The following THRB variants were observed in gnomAD, a reference collection of about 807,000 sequenced individuals.
THRB encodes nuclear receptor subfamily 1 group A member 2.
In THRB, 12 loss-of-function variants were observed where a neutral mutation model predicts 47.8. The ratio of observed to expected loss-of-function variants is 0.25; its 90% confidence interval spans 0.16 to 0.41. The LOEUF (loss-of-function observed/expected upper bound fraction) is 0.41, where lower values mean the gene tolerates loss of function less well. THRB is among the 10% of genes least tolerant of loss of function. The pLI, the probability that THRB is intolerant of heterozygous loss-of-function variation, is 1.00. For missense variants in THRB, 348 were observed against 589.2 expected, an observed-to-expected ratio of 0.59 and a Z score of 4.24; for synonymous variants, 218 against 212.2, an observed-to-expected ratio of 1.03 and a Z score of -0.24.
intron 1 of THRB, among the ~76,000 whole-genome samples, chr3:24,370,470 A>T (rs562471864): frequency 6.6e-6 from 1 of 152,112 alleles, no homozygotes; most frequent in East Asian, 1.9e-4. Context: ...ATGAGTGTGT[A>T]TGAGGTGTGC....
At chr3:24,415,353 T>C (rs1366421240) in intron 1 of THRB, among the ~76,000 whole-genome samples, 1 of 151,884 alleles carries the variant, frequency 6.6e-6, no homozygotes, top group East Asian at 1.9e-4. Flanking sequence ...CCATCATTTA[T>C]GAAATGAGAT....
At chr3:24,371,657 T>C (rs2064920824) in intron 1 of THRB, among the ~76,000 whole-genome samples, 1 of 152,058 alleles carries the variant, frequency 6.6e-6, no homozygotes, top group Admixed American at 6.6e-5. Context: ...AAATGCAGTT[T>C]CAGCTCCTCA....
At chr3:24,486,085 C>G (rs1411972993) in intron 1 of THRB, among the ~76,000 whole-genome samples, 1 of 152,074 alleles carries the variant, frequency 6.6e-6, no homozygotes, top group Non-Finnish European at 1.5e-5. Flanking sequence ...CCAGTAGACA[C>G]CTGATAATAT....
intron 4 of THRB, among the ~76,000 whole-genome samples, chr3:24,218,073 T>C (rs2046762116): frequency 6.6e-6 from 1 of 152,138 alleles, no homozygotes; most frequent in Non-Finnish European, 1.5e-5. Context: ...GAGACCATCC[T>C]GGCTAATACC....
At chr3:24,283,545 A>T (rs1473648757) in intron 3 of THRB, among the ~76,000 whole-genome samples, 1 of 150,466 alleles carries the variant, frequency 6.6e-6, no homozygotes, top group Non-Finnish European at 1.5e-5. Context: ...GCCCTCTCTC[A>T]CCACTCCTAT....
intron 9 of THRB, among the ~76,000 whole-genome samples, chr3:24,132,570 T>C (rs2034032851): frequency 6.6e-6 from 1 of 152,196 alleles, no homozygotes; most frequent in Non-Finnish European, 1.5e-5. Flanking sequence ...ATTGGGTAAC[T>C]TGTTTAGGAT....
intron 1 of THRB, among the ~76,000 whole-genome samples, chr3:24,454,172 T>C (rs1444384250): frequency 6.6e-6 from 1 of 152,164 alleles, no homozygotes; most frequent in African/African-American, 2.4e-5. Context: ...TATTAAGCAA[T>C]ATAAAGAAAT....
chr3:24,135,820 CATATATATAT>C (rs34338818), intron 8 of THRB, among the ~76,000 whole-genome samples: 3 of 98,488 alleles, frequency 3.0e-5, no homozygotes, highest in African/African-American at 4.8e-5. Context: ...GGCAGAGAGT[CATATATATAT>C]ATATATATAT....
intron 5 of THRB, among the ~76,000 whole-genome samples, chr3:24,173,702 T>C (rs755633102): frequency 6.6e-6 from 1 of 152,236 alleles, no homozygotes; most frequent in Non-Finnish European, 1.5e-5. Flanking sequence ...CTTCAAGGGA[T>C]GATCTCCTCA....
chr3:24,417,492 C>A (rs1389509121), intron 1 of THRB, among the ~76,000 whole-genome samples: 1 of 151,840 alleles, frequency 6.6e-6, no homozygotes, highest in African/African-American at 2.4e-5. Context: ...TTATCAAGGA[C>A]CTTTTAGGAC....
At chr3:24,346,029 G>C (rs2062993968) in intron 1 of THRB, among the ~76,000 whole-genome samples, 1 of 152,150 alleles carries the variant, frequency 6.6e-6, no homozygotes, top group African/African-American at 2.4e-5. Flanking sequence ...ACTTCCAGTA[G>C]AAGGAGAAAT....
At chr3:24,430,537 C>G (rs1249704054) in intron 1 of THRB, among the ~76,000 whole-genome samples, 1 of 151,974 alleles carries the variant, frequency 6.6e-6, no homozygotes, top group East Asian at 1.9e-4. Flanking sequence ...TTTATTACCA[C>G]TGAACTCTAT....
chr3:24,476,795 G>GA, intron 1 of THRB, among the ~76,000 whole-genome samples: 1 of 152,004 alleles, frequency 6.6e-6, no homozygotes, highest in Non-Finnish European at 1.5e-5. Context: ...CTAAAATTAA[G>GA]AAAAAAATTA....
rs1044616175 is a variant in THRB at position 24,165,155 on chromosome 3, C to G, written c.284-12665G>C. On this transcript the variant is annotated intron_variant, in intron 5 of 10. Transcript: ENST00000646209. Reference sequence around the variant, plus strand: ...AGAGTCCTTGCTTTTAAACATGTTTCCAGGGTAACTACAGGTATAAGGCTG... The same window carrying G: ...AGAGTCCTTGCTTTTAAACATGTTTGCAGGGTAACTACAGGTATAAGGCTG... 18 of 764,886 alleles carry G rather than the reference C, an allele frequency of 2.4e-5. No homozygotes were observed. The Admixed American group carries it at 3.1e-4, about 13-fold the overall frequency. The allele number at this position is 764,886 out of a possible 1,614,324, so 47.4% of individuals were successfully genotyped here.
At position 24,127,752 on chromosome 3, in the gene THRB, T is replaced by C; in HGVS notation, c.891A>G (p.Pro297=). The C allele has an allele frequency of 6.2e-7, 1 of 1,614,180 alleles. No homozygotes were observed. The change falls in exon 10 of 11, where the codon CCA becomes CCG. Residue 297 remains proline, a synonymous_variant. Transcript: ENST00000646209. ...AKKLPMFCEL[P]CEDQIILLKG... The stretch of plus-strand genomic sequence containing the variant: ...TGAGGAGGATGATCTGGTCTTCACA[T>C]GGCAGCTGAAAAGAACCAGTTCATG...
intron 3 of THRB, among the ~76,000 whole-genome samples, chr3:24,267,341 G>A (rs1486802307): frequency 1.3e-5 from 2 of 150,906 alleles, no homozygotes; most frequent in Admixed American, 6.6e-5. Flanking sequence ...GAAAATGTAT[G>A]TAAAGGTATA....
intron 3 of THRB, among the ~76,000 whole-genome samples, chr3:24,287,933 G>A (rs1044301979): frequency 6.6e-6 from 1 of 152,198 alleles, no homozygotes; most frequent in African/African-American, 2.4e-5. Flanking sequence ...AGTGAACACT[G>A]CCAAGCACAG....
chr3:24,228,636 GAAAAAAA>G (rs11306713), intron 4 of THRB, among the ~76,000 whole-genome samples: 9 of 85,064 alleles, frequency 1.1e-4, no homozygotes, highest in Admixed American at 3.3e-4. Flanking sequence ...ATGTCTCAAA[GAAAAAAA>G]AAAAAAAAAG....
intron 4 of THRB, among the ~76,000 whole-genome samples, chr3:24,200,416 T>A (rs1354667403): frequency 6.6e-6 from 1 of 152,090 alleles, no homozygotes; most frequent in South Asian, 2.1e-4. Context: ...TTAAGATTTA[T>A]AATTTCTCAA....
Sources: allele counts gnomAD v4.1 joint callset (sites outside exome capture counted in the v4.1 genomes callset), GRCh38; gene constraint gnomAD v4.1.1; transcripts MANE v1.5; gene names NCBI Gene and HGNC (gene_info 2026-07-23, HGNC 2026-07-21).